Variants in HAPLN1 observed in about 807,000 individuals in gnomAD.
HAPLN1 encodes the protein hyaluronan and proteoglycan link protein 1, also known as Cartilage link protein.
A neutral mutation model predicts 36.5 loss-of-function variants in HAPLN1; 13 were observed. That is an observed-to-expected ratio of 0.36 (90% CI 0.23 to 0.57). HAPLN1 has a LOEUF of 0.57. Ranked by LOEUF, HAPLN1 falls within the 20% of genes least tolerant of loss-of-function variation. The pLI, the probability that HAPLN1 is intolerant of heterozygous loss-of-function variation, is 0.83. For missense variants in HAPLN1, 407 were observed against 439.7 expected (o/e 0.93, Z 0.66); for synonymous variants, 202 against 169.8 (o/e 1.19, Z -1.48).
intron 4 of HAPLN1, among the ~76,000 whole-genome samples, chr5:83,643,646 C>T (rs543908474): frequency 6.6e-6 from 1 of 151,782 alleles, no homozygotes; most frequent in Non-Finnish European, 1.5e-5. Context: ...GAGATGGGGT[C>T]TCACTATGAT....
chr5:83,702,525 C>T (rs1751531864), intron 1 of HAPLN1, among the ~76,000 whole-genome samples: 1 of 152,026 alleles, frequency 6.6e-6, no homozygotes, highest in Non-Finnish European at 1.5e-5. Context: ...ACTGATAATC[C>T]CTCTAGGCTT....
intron 1 of HAPLN1, among the ~76,000 whole-genome samples, chr5:83,707,941 G>A (rs10060960): frequency 0.27 from 41,746 of 152,152 alleles, 6,272 homozygotes; most frequent in Non-Finnish European, 0.34. Flanking sequence ...CATACATGCA[G>A]CCAACAAGCA....
In HAPLN1 at chr5:83,644,612, C is replaced by T. The variant is rs191829950; in HGVS notation, c.526G>A (p.Glu176Lys). ...RLGRYNLNFH[E>K]AQQACLDQDA... is the part of the protein sequence containing the mutation. ...TGGTCCAGACACGCCTGCTGCGCCT[C>T]GTGAAAATTGAGATTGTAGCGCCCC... The change falls in exon 4 of 5, where the codon GAG becomes AAG. Residue 176 changes from glutamate (E) to lysine (K), a missense_variant. Glu to Lys is a moderately conservative substitution (Grantham distance 56). Coordinates refer to ENST00000274341, the MANE Select transcript of HAPLN1 (RefSeq NM_001884.4). 31 of 1,509,312 alleles carry T rather than the reference C, an allele frequency of 2.1e-5. No individual in the cohort carries two copies. The African/African-American group carries it at 2.5e-4, about 12-fold the overall frequency. 93.5% of individuals were successfully genotyped at this position (1,509,312 alleles called of 1,614,324 possible).
At chr5:83,704,999 A>G (rs1421216966) in intron 1 of HAPLN1, among the ~76,000 whole-genome samples, 1 of 152,230 alleles carries the variant, frequency 6.6e-6, no homozygotes, top group African/African-American at 2.4e-5. Flanking sequence ...TCAGCCAATA[A>G]TTAGACATAA....
chr5:83,661,653 C>G (rs1750395706), intron 2 of HAPLN1, among the ~76,000 whole-genome samples: 3 of 151,924 alleles, frequency 2.0e-5, no homozygotes, highest in Admixed American at 6.6e-5. Flanking sequence ...ACCGTGTTAG[C>G]CGGGATGGTC....
At chr5:83,699,740 T>C (rs946994171) in intron 1 of HAPLN1, among the ~76,000 whole-genome samples, 1 of 152,206 alleles carries the variant, frequency 6.6e-6, no homozygotes. Flanking sequence ...AAATACCTGA[T>C]TTCTGATATA....
chr5:83,707,038 A>G (rs941773692), intron 1 of HAPLN1, among the ~76,000 whole-genome samples: 1 of 152,190 alleles, frequency 6.6e-6, no homozygotes, highest in African/African-American at 2.4e-5. Flanking sequence ...AAAGATTCCT[A>G]TGGTGAGAAT....
chr5:83,698,051 C>T (rs545886074), intron 1 of HAPLN1, among the ~76,000 whole-genome samples: 96 of 152,092 alleles, frequency 6.3e-4, no homozygotes, highest in Middle Eastern at 6.8e-3. Context: ...ACTTTGGTTG[C>T]GTGGCTTTTG....
intron 1 of HAPLN1, among the ~76,000 whole-genome samples, chr5:83,707,570 T>C (rs559961136): frequency 1.3e-5 from 2 of 152,162 alleles, no homozygotes; most frequent in African/African-American, 2.4e-5. Context: ...TTAAGCCATA[T>C]ACAAAAATCA....
In HAPLN1 at chr5:83,686,142, CAAAAAAAAA is replaced by C. The variant is rs535353958; in HGVS notation, c.-26-12602_-26-12594del. The C allele has an allele frequency of 6.1e-5, 5 of 81,642 alleles. 1 individual carries two copies. Among genetic ancestry groups the C allele is most frequent in the Admixed American group, 4.6e-4 (3 of 6,542 alleles). The allele number at this position is 81,642 out of a possible 1,614,324, so 5.1% of individuals were successfully genotyped here. A position where few individuals can be genotyped will look rare whatever the true frequency, so the allele number is the denominator to read the frequency against. ...AACAATTAGAGATATAAAATGTAGC[CAAAAAAAAA>C]AAAAAAAAAAAAAGAAATGTCAAGA... On this transcript the variant is annotated intron_variant, in intron 1 of 4. Transcript: ENST00000274341.
intron 2 of HAPLN1, among the ~76,000 whole-genome samples, chr5:83,669,628 T>C (rs1750648230): frequency 6.6e-6 from 1 of 152,240 alleles, no homozygotes. Flanking sequence ...GATGATATGT[T>C]CTGTTAACAA....
intron 2 of HAPLN1, among the ~76,000 whole-genome samples, chr5:83,662,139 G>A (rs35177719): frequency 0.2 from 31,073 of 152,058 alleles, 3,272 homozygotes; most frequent in East Asian, 0.29. Flanking sequence ...CTGGCCTCAG[G>A]TGATCTGCCC....
chr5:83,650,133 C>G (rs970019432), intron 3 of HAPLN1, among the ~76,000 whole-genome samples: 1 of 152,116 alleles, frequency 6.6e-6, no homozygotes, highest in Non-Finnish European at 1.5e-5. Context: ...AAAGCCTCTC[C>G]TCTACCAAAA....
At chr5:83,657,842 G>A (rs1750265574) in intron 2 of HAPLN1, among the ~76,000 whole-genome samples, 1 of 148,382 alleles carries the variant, frequency 6.7e-6, no homozygotes, top group South Asian at 2.1e-4. Flanking sequence ...ATGTATTTAA[G>A]ATGGCTAAAT....
chr5:83,644,345 G>A lies in HAPLN1; in HGVS notation c.775+18C>T. Reference sequence around the variant, plus strand: ...AGTCTGTGAGATAGGAAAGAAGGCAGTACAGTTATTATCTTACCATTGAAA... The same window carrying A: ...AGTCTGTGAGATAGGAAAGAAGGCAATACAGTTATTATCTTACCATTGAAA... On this transcript the variant is annotated intron_variant, in intron 4 of 4. Coordinates refer to ENST00000274341, the MANE Select transcript of HAPLN1 (RefSeq NM_001884.4). 1 of 1,503,998 alleles carries A rather than the reference G, an allele frequency of 6.6e-7. No individual in the cohort carries two copies. Among genetic ancestry groups the A allele is most frequent in the Non-Finnish European group, 8.9e-7 (1 of 1,119,942 alleles). The allele number at this position is 1,503,998 out of a possible 1,614,324, so 93.2% of individuals were successfully genotyped here.
At chr5:83,683,969 A>G (rs193147496) in intron 1 of HAPLN1, among the ~76,000 whole-genome samples, 1 of 152,244 alleles carries the variant, frequency 6.6e-6, no homozygotes, top group Admixed American at 6.5e-5. Flanking sequence ...GAGCAAAACA[A>G]AGAGGGAGAA....
chr5:83,671,979 C>T (rs1750738854), intron 2 of HAPLN1, among the ~76,000 whole-genome samples: 1 of 152,150 alleles, frequency 6.6e-6, no homozygotes, highest in Non-Finnish European at 1.5e-5. Context: ...GCTGGAGTAA[C>T]AGAAGTTTTC....
In HAPLN1 at chr5:83,644,653, G is replaced by A. The variant is rs751629321; in HGVS notation, c.485C>T (p.Pro162Leu). 10 of 1,470,014 alleles carry A rather than the reference G, an allele frequency of 6.8e-6. No homozygotes were observed. The highest frequency in any genetic ancestry group is 1.5e-5 in the South Asian group (1 of 68,180). The allele number at this position is 1,470,014 out of a possible 1,614,324, so 91.1% of individuals were successfully genotyped here. Residue 162 changes from proline (P) to leucine (L), a missense_variant, in exon 4 of 5, where the codon CCT becomes CTT. Coordinates refer to ENST00000274341, the MANE Select transcript of HAPLN1 (RefSeq NM_001884.4). ...VALDLQGVVF[P>L]YFPRLGRYNL... ...GTAGCGCCCCAGTCGTGGAAAGTAA[G>A]GGAATACCACACCTGTCCAAAGGAG...
chr5:83,639,423 T>C lies in HAPLN1; in HGVS notation c.*2073A>G, dbSNP rs1024158172. The C allele has an allele frequency of 2.0e-5, 3 of 152,064 alleles. No individual in the cohort carries two copies. Among genetic ancestry groups the C allele is most frequent in the African/African-American group, 7.2e-5 (3 of 41,460 alleles). 9.4% of individuals were successfully genotyped at this position (152,064 alleles called of 1,614,324 possible). On this transcript the variant is annotated 3_prime_UTR_variant, in exon 5 of 5. Coordinates refer to ENST00000274341, the MANE Select transcript of HAPLN1 (RefSeq NM_001884.4). The stretch of plus-strand genomic sequence containing the variant: ...AGAAATACTACTACATTTAACATTA[T>C]AAAGTAGAGTTCTGGACATAACTGA...
Sources: gnomAD v4.1 joint callset for allele counts (sites outside exome capture counted in the v4.1 genomes callset) on GRCh38, gnomAD v4.1.1 for gene constraint, MANE v1.5 for transcripts, NCBI Gene and HGNC (gene_info 2026-07-23, HGNC 2026-07-21) for gene names.